Variants in LRRC4C observed in about 807,000 individuals in gnomAD.
The protein encoded by LRRC4C is leucine-rich repeat-containing protein 4C.
LRRC4C carries 5 observed loss-of-function variants against 33.6 expected under a neutral mutation model. That is an observed-to-expected ratio of 0.15 (90% CI 0.08 to 0.31). LRRC4C has a LOEUF of 0.31. Among genes scored for constraint, LRRC4C ranks in the 10% least tolerant of loss-of-function variants. LRRC4C has a pLI of 1.00. For synonymous variants in LRRC4C, 329 were observed against 302.0 expected, an observed-to-expected ratio of 1.09 and a Z score of -0.93; for missense variants, 560 against 796.7, an observed-to-expected ratio of 0.70 and a Z score of 3.58.
chr11:40,426,130 C>G (rs769654567), intron 3 of LRRC4C, among the ~76,000 whole-genome samples: 2 of 151,598 alleles, frequency 1.3e-5, no homozygotes, highest in Non-Finnish European at 2.9e-5. Flanking sequence ...TCTCCTGACT[C>G]AGGCTCCTGA....
At chr11:40,440,199 T>C (rs1012520435) in intron 3 of LRRC4C, among the ~76,000 whole-genome samples, 3 of 152,190 alleles carry the variant, frequency 2.0e-5, no homozygotes, top group Non-Finnish European at 4.4e-5. Context: ...GAACATTTCC[T>C]GGCATAGAGT....
rs199532417 is a variant in LRRC4C, at chr11:40,114,626, C to T, written c.1667G>A (p.Arg556Gln). ...CCTTGTTGGGGCGTGATGGTTTTGC[C>T]GATGGTGCTGCTTCCTCATCTTGTA... ...IFYKMRKQHHRQNHHAPTRTV... is the reference protein window; with the variant it reads ...IFYKMRKQHHQQNHHAPTRTV... The change falls in exon 7 of 7, where the codon CGG becomes CAG. Residue 556 changes from arginine (R) to glutamine (Q), a missense_variant. Arg to Gln is a conservative substitution (Grantham distance 43). This residue lies in a region of LRRC4C where 103 missense variants were observed against 132.1 expected (regional missense o/e 0.78). Coordinates refer to ENST00000528697, the MANE Select transcript of LRRC4C (RefSeq NM_001258419.2). 111 of 1,614,124 alleles carry T rather than the reference C, an allele frequency of 6.9e-5. No homozygotes were observed. Among genetic ancestry groups the T allele is most frequent in the Non-Finnish European group, 8.0e-5 (94 of 1,180,024 alleles).
intron 1 of LRRC4C, among the ~76,000 whole-genome samples, chr11:41,409,324 T>G (rs2138195303): frequency 6.6e-6 from 1 of 152,302 alleles, no homozygotes; most frequent in Admixed American, 6.5e-5. Context: ...AGGAATAAAC[T>G]ATTCAACTCT....
chr11:41,149,439 G>A (rs937523823), intron 1 of LRRC4C, among the ~76,000 whole-genome samples: 2 of 151,136 alleles, frequency 1.3e-5, no homozygotes, highest in African/African-American at 4.9e-5. Context: ...CAACCCGGGA[G>A]GCGGAGCTTG....
intron 1 of LRRC4C, among the ~76,000 whole-genome samples, chr11:41,130,416 T>C (rs1046887193): frequency 7.2e-5 from 11 of 151,966 alleles, no homozygotes; most frequent in African/African-American, 2.4e-4. Context: ...GTTGATGTCA[T>C]TTTAGAAGGA....
intron 1 of LRRC4C, among the ~76,000 whole-genome samples, chr11:41,363,664 G>T (rs1479671241): frequency 6.6e-6 from 1 of 152,088 alleles, no homozygotes; most frequent in African/African-American, 2.4e-5. Context: ...AAAAGAAAAA[G>T]AAGAATAAAG....
At chr11:41,015,932 G>A (rs1042407120) in intron 1 of LRRC4C, among the ~76,000 whole-genome samples, 2 of 152,130 alleles carry the variant, frequency 1.3e-5, no homozygotes, top group Non-Finnish European at 2.9e-5. Context: ...GGAGCTTGCA[G>A]TGAGCCGAGA....
rs531533962 is a variant in LRRC4C at position 41,007,261 on chromosome 11, G to A, written c.-495-73538C>T. On this transcript the variant is annotated intron_variant, in intron 1 of 6. Transcript: ENST00000528697. ...GGAAAAATAGGCAAAGGATAAACAG[G>A]CAGTTTAATTTACAGAAAAGGACAT... Among the ~76,000 whole-genome samples the A allele has an allele frequency of 3.3e-5, 5 of 151,564 alleles. No homozygotes were observed. The East Asian group carries it at 9.7e-4, about 29-fold the overall frequency.
intron 4 of LRRC4C, among the ~76,000 whole-genome samples, chr11:40,263,729 G>T (rs1942038099): frequency 6.6e-6 from 1 of 152,186 alleles, no homozygotes; most frequent in Non-Finnish European, 1.5e-5. Context: ...CGCAGGAAAG[G>T]CCATTCATGC....
chr11:41,423,310 G>A (rs778096945), intron 1 of LRRC4C, among the ~76,000 whole-genome samples: 1 of 151,958 alleles, frequency 6.6e-6, no homozygotes, highest in Non-Finnish European at 1.5e-5. Flanking sequence ...TTAGAATCCA[G>A]GTAATAGTAG....
intron 6 of LRRC4C, among the ~76,000 whole-genome samples, chr11:40,116,543 A>C (rs1855448689): frequency 6.6e-6 from 1 of 152,168 alleles, no homozygotes; most frequent in African/African-American, 2.4e-5. Context: ...ATTCCATGAG[A>C]TGTATGACCA....
chr11:41,231,517 C>CA (rs1265693696), intron 1 of LRRC4C, among the ~76,000 whole-genome samples: 1 of 147,346 alleles, frequency 6.8e-6, no homozygotes, highest in African/African-American at 2.5e-5. Context: ...ATCGCAAGGA[C>CA]AAAAAACCAA....
At chr11:41,106,091 G>A (rs1167869080) in intron 1 of LRRC4C, among the ~76,000 whole-genome samples, 2 of 152,042 alleles carry the variant, frequency 1.3e-5, no homozygotes, top group African/African-American at 2.4e-5. Flanking sequence ...GAATGGAGAG[G>A]TTAAGTTTCT....
chr11:41,275,341 G>A (rs1439414435), intron 1 of LRRC4C, among the ~76,000 whole-genome samples: 1 of 152,162 alleles, frequency 6.6e-6, no homozygotes, highest in African/African-American at 2.4e-5. Context: ...TTTTTGGTCT[G>A]AATAATGGGG....
chr11:40,820,006 C>A (rs1004282334), intron 2 of LRRC4C, among the ~76,000 whole-genome samples: 6 of 151,066 alleles, frequency 4.0e-5, no homozygotes, highest in African/African-American at 9.7e-5. Context: ...CACAAAAAAC[C>A]ACTAATGTCA....
intron 2 of LRRC4C, among the ~76,000 whole-genome samples, chr11:40,799,493 T>C (rs1950958018): frequency 6.6e-6 from 1 of 152,208 alleles, no homozygotes; most frequent in Admixed American, 6.5e-5. Context: ...TCTCTTACTT[T>C]ATTTATTTAT....
chr11:41,085,062 C>T (rs187676343), intron 1 of LRRC4C, among the ~76,000 whole-genome samples: 84 of 152,292 alleles, frequency 5.5e-4, no homozygotes, highest in South Asian at 2.7e-3. Context: ...GCATGTATAA[C>T]TCCTCAGACT....
At chr11:41,445,866 ATGTG>A (rs35999139) in intron 1 of LRRC4C, among the ~76,000 whole-genome samples, 1 of 149,834 alleles carries the variant, frequency 6.7e-6, no homozygotes, top group East Asian at 2.0e-4. Context: ...GAGTGACTGC[ATGTG>A]TGTGTGTGTG....
Position 41,257,378 on chromosome 11 carries a change from A to C in LRRC4C, c.-496+202053T>G, listed in dbSNP as rs554377540. Reference sequence around the variant, plus strand: ...CCCACCATCAGGCTGAGACACAATCACATTCCACACAGAAATAGATGGCAC... The same window carrying C: ...CCCACCATCAGGCTGAGACACAATCCCATTCCACACAGAAATAGATGGCAC... On this transcript the variant is annotated intron_variant, in intron 1 of 6. Transcript: ENST00000528697. Among the ~76,000 whole-genome samples the C allele has an allele frequency of 3.3e-5, 5 of 152,146 alleles. No homozygotes were observed. The East Asian group carries it at 9.7e-4, about 29-fold the overall frequency.
Sources: gnomAD v4.1 joint callset for allele counts (sites outside exome capture counted in the v4.1 genomes callset) on GRCh38, gnomAD v4.1.1 for gene constraint, gnomAD v4.1.1 regional missense constraint, MANE v1.5 for transcripts, NCBI Gene and HGNC (gene_info 2026-07-23, HGNC 2026-07-21) for gene names.